Variants in PTPRO observed in about 807,000 individuals in gnomAD.
The protein encoded by PTPRO is protein tyrosine phosphatase receptor type O.
In PTPRO, 62 loss-of-function variants were observed where a neutral mutation model predicts 145.2. The observed-to-expected ratio is 0.43, with a 90% CI of 0.35 to 0.53. The LOEUF is 0.53. Ranked by LOEUF, PTPRO falls within the 20% of genes least tolerant of loss-of-function variation. The pLI, the probability that PTPRO is intolerant of heterozygous loss-of-function variation, is 0.01. For missense variants in PTPRO, 1,345 were observed against 1,482.7 expected (o/e 0.91, Z 1.53); for synonymous variants, 565 against 514.7 (o/e 1.10, Z -1.32).
chr12:15,580,898 AT>A (rs1399001407), intron 22 of PTPRO, 67 bp downstream of exon 22: 7 of 1,581,716 alleles, frequency 4.4e-6, no homozygotes, highest in Non-Finnish European at 5.2e-6. Flanking sequence ...CGTTGATGAA[AT>A]GCTTGCTGTT....
intron 19 of PTPRO, among the ~76,000 whole-genome samples, chr12:15,578,229 C>T (rs906022602): frequency 2.6e-5 from 4 of 152,022 alleles, no homozygotes; most frequent in Non-Finnish European, 5.9e-5. Context: ...AAAAAAAAAG[C>T]CTAGATTTCT....
intron 13 of PTPRO, among the ~76,000 whole-genome samples, chr12:15,548,318 C>T (rs759388086): frequency 2.0e-4 from 31 of 152,110 alleles, no homozygotes; most frequent in Non-Finnish European, 3.8e-4. Context: ...GGCATTGTCA[C>T]GCATTGATGC....
At chr12:15,360,870 G>A (rs1938168257) in intron 1 of PTPRO, among the ~76,000 whole-genome samples, 1 of 124,408 alleles carries the variant, frequency 8.0e-6, no homozygotes, top group East Asian at 2.3e-4. Context: ...ATATATGTGT[G>A]TATATACACA....
At chr12:15,368,354 G>C (rs1456312436) in intron 1 of PTPRO, among the ~76,000 whole-genome samples, 1 of 152,156 alleles carries the variant, frequency 6.6e-6, no homozygotes, top group African/African-American at 2.4e-5. Flanking sequence ...TTATATAAAG[G>C]TGTAATTAAA....
intron 1 of PTPRO, among the ~76,000 whole-genome samples, chr12:15,452,680 G>C (rs1196795252): frequency 1.3e-5 from 2 of 152,140 alleles, no homozygotes; most frequent in African/African-American, 4.8e-5. Context: ...CAGAGAAGCA[G>C]GGATGGTTTA....
chr12:15,420,060 C>T (rs921747750), intron 1 of PTPRO, among the ~76,000 whole-genome samples: 3 of 143,886 alleles, frequency 2.1e-5, no homozygotes, highest in African/African-American at 5.3e-5. Context: ...GGCAGGAGAA[C>T]GGTGTGAAAC....
intron 1 of PTPRO, among the ~76,000 whole-genome samples, chr12:15,458,732 T>C (rs1337738670): frequency 1.3e-5 from 2 of 151,918 alleles, no homozygotes; most frequent in Non-Finnish European, 2.9e-5. Context: ...TTGTTGAAAT[T>C]CTCACTTTGT....
At position 15,503,893 on chromosome 12, in the gene PTPRO, T is replaced by C; in HGVS notation, c.1106-15T>C. On this transcript the variant is annotated splice_polypyrimidine_tract_variant and intron_variant, in intron 5 of 26. Coordinates refer to ENST00000281171, the MANE Select transcript of PTPRO (RefSeq NM_030667.3). The stretch of plus-strand genomic sequence containing the variant: ...TGTCTATTCATGTATCTTCTCTTTT[T>C]TATATATGATTTAGAGAACTTTACT... The C allele has an allele frequency of 6.4e-7, 1 of 1,551,128 alleles. No individual in the cohort carries two copies. Among genetic ancestry groups the C allele is most frequent in the South Asian group, 1.1e-5 (1 of 89,460 alleles).
At chr12:15,343,574 G>C (rs1867083292) in intron 1 of PTPRO, among the ~76,000 whole-genome samples, 1 of 152,118 alleles carries the variant, frequency 6.6e-6, no homozygotes, top group Admixed American at 6.5e-5. Flanking sequence ...TGTAGTTCCA[G>C]CTACTTCAGA....
At chr12:15,476,415 TG>T (rs1941655410) in intron 1 of PTPRO, among the ~76,000 whole-genome samples, 1 of 152,040 alleles carries the variant, frequency 6.6e-6, no homozygotes, top group Non-Finnish European at 1.5e-5. Context: ...TGGGGTTGTT[TG>T]TTTTTTTCTT....
At chr12:15,468,788 T>A (rs1174053359) in intron 1 of PTPRO, among the ~76,000 whole-genome samples, 2 of 152,154 alleles carry the variant, frequency 1.3e-5, no homozygotes, top group African/African-American at 4.8e-5. Flanking sequence ...AAGTAAACAT[T>A]GAGTCAAGCA....
At chr12:15,495,200 A>G (rs1272052629) in intron 2 of PTPRO, among the ~76,000 whole-genome samples, 1 of 151,892 alleles carries the variant, frequency 6.6e-6, no homozygotes, top group Non-Finnish European at 1.5e-5. Flanking sequence ...TGACATGATC[A>G]TAAAATATAC....
intron 12 of PTPRO, among the ~76,000 whole-genome samples, chr12:15,531,825 A>G (rs553799697): frequency 6.6e-6 from 1 of 152,338 alleles, no homozygotes; most frequent in South Asian, 2.1e-4. Context: ...CCACATAGTT[A>G]ATGCAATTTA....
intron 1 of PTPRO, among the ~76,000 whole-genome samples, chr12:15,370,374 T>C (rs1938490302): frequency 6.6e-6 from 1 of 152,154 alleles, no homozygotes; most frequent in Non-Finnish European, 1.5e-5. Context: ...TGAAAACAAA[T>C]CTGTAACCCC....
At chr12:15,452,927 G>A (rs1408058245) in intron 1 of PTPRO, among the ~76,000 whole-genome samples, 1 of 151,966 alleles carries the variant, frequency 6.6e-6, no homozygotes, top group Non-Finnish European at 1.5e-5. Flanking sequence ...TCATTTATTT[G>A]TTGGATATGG....
At chr12:15,415,510 G>A (rs960039535) in intron 1 of PTPRO, among the ~76,000 whole-genome samples, 1 of 151,380 alleles carries the variant, frequency 6.6e-6, no homozygotes, top group East Asian at 1.9e-4. Context: ...TCAGCCTCCC[G>A]AGTAGCTGGG....
chr12:15,482,012 A>G (rs982741958), intron 1 of PTPRO, among the ~76,000 whole-genome samples: 11 of 152,174 alleles, frequency 7.2e-5, no homozygotes, highest in Non-Finnish European at 1.6e-4. Flanking sequence ...CTGGGTATCT[A>G]TCCAAAGGAA....
chr12:15,384,087 A>C (rs1028366322), intron 1 of PTPRO, among the ~76,000 whole-genome samples: 4 of 152,134 alleles, frequency 2.6e-5, no homozygotes, highest in Non-Finnish European at 5.9e-5. Flanking sequence ...TAAACACAAA[A>C]GATAGGAGAG....
At chr12:15,356,256 G>A (rs1044751363) in intron 1 of PTPRO, among the ~76,000 whole-genome samples, 4 of 152,062 alleles carry the variant, frequency 2.6e-5, no homozygotes, top group Non-Finnish European at 5.9e-5. Flanking sequence ...CTTCATACAT[G>A]TGATTTTTGT....
Sources: gnomAD v4.1 joint callset for allele counts (sites outside exome capture counted in the v4.1 genomes callset) on GRCh38, gnomAD v4.1.1 for gene constraint, MANE v1.5 for transcripts, NCBI Gene and HGNC (gene_info 2026-07-23, HGNC 2026-07-21) for gene names.